GSAP: variants seen among roughly 807,000 people sequenced by gnomAD.
GSAP encodes gamma-secretase-activating protein.
Under a neutral mutation model 131.7 loss-of-function variants are expected in GSAP, and 118 were observed. That is an observed-to-expected ratio of 0.90 (90% CI 0.77 to 1.04). The LOEUF (loss-of-function observed/expected upper bound fraction) is 1.04. Among genes scored for constraint, GSAP ranks in the 50% least tolerant of loss-of-function variants. GSAP has a pLI of 0.00. For missense variants in GSAP, 1,019 were observed against 1,013.2 expected (o/e 1.01, Z -0.08); for synonymous variants, 381 against 363.4 (o/e 1.05, Z -0.55).
intron 6 of GSAP, among the ~76,000 whole-genome samples, chr7:77,386,911 G>A (rs188554880): frequency 6.6e-6 from 1 of 152,162 alleles, no homozygotes; most frequent in African/African-American, 2.4e-5. Context: ...TAAATTTTAG[G>A]AGCAGCAGAA....
intron 6 of GSAP, among the ~76,000 whole-genome samples, chr7:77,384,346 G>A (rs2151053665): frequency 6.6e-6 from 1 of 152,304 alleles, no homozygotes; most frequent in Non-Finnish European, 1.5e-5. Context: ...TATTTTAAAA[G>A]TCCCGTTCAG....
intron 3 of GSAP, among the ~76,000 whole-genome samples, chr7:77,400,635 G>A (rs1468882865): frequency 6.6e-6 from 1 of 152,150 alleles, no homozygotes. Flanking sequence ...GTATGCTAAA[G>A]AGAAGACTTA....
At chr7:77,404,529 A>G in intron 3 of GSAP, 30 bp downstream of exon 3, 1 of 1,203,114 alleles carries the variant, frequency 8.3e-7, no homozygotes, top group East Asian at 2.3e-5. Context: ...AAGGCAGTAA[A>G]GTAACCAATG....
intron 5 of GSAP, among the ~76,000 whole-genome samples, chr7:77,391,951 G>A (rs1799615344): frequency 6.6e-6 from 1 of 152,162 alleles, no homozygotes; most frequent in South Asian, 2.1e-4. Context: ...ATGGCCGGGA[G>A]TGGTGGCTCA....
chr7:77,416,161 G>T, intron 1 of GSAP, 52 bp downstream of exon 1: 1 of 1,089,312 alleles, frequency 9.2e-7, no homozygotes, highest in Non-Finnish European at 1.2e-6. Context: ...CGGGGGGTAT[G>T]AGGGACTCCC....
At chr7:77,339,497 C>T (rs190603588) in intron 19 of GSAP, among the ~76,000 whole-genome samples, 1 of 152,264 alleles carries the variant, frequency 6.6e-6, no homozygotes, top group East Asian at 1.9e-4. Context: ...GAGAGATCTA[C>T]AGTGCCTCAT....
chr7:77,313,449 C>T, intron 28 of GSAP, 39 bp downstream of exon 28: 1 of 1,114,810 alleles, frequency 9.0e-7, no homozygotes, highest in Non-Finnish European at 1.4e-6. Flanking sequence ...AGGGTAATGC[C>T]AAAGCTTAGG....
chr7:77,412,662 A>G (rs1475783538), intron 1 of GSAP, among the ~76,000 whole-genome samples: 1 of 152,074 alleles, frequency 6.6e-6, no homozygotes, highest in Non-Finnish European at 1.5e-5. Flanking sequence ...AAAATAGGAA[A>G]GTGGACAAAA....
rs765954036 is a variant in GSAP at position 77,313,563 on chromosome 7, A to C, written c.2210-14T>G. On this transcript the variant is annotated splice_polypyrimidine_tract_variant and intron_variant, in intron 27 of 30. Transcript: ENST00000257626. ...TATTATCCAGATCTACAAGAAAGTT[A>C]GAGATTAGCAAATGAAACAAATACC... is the stretch of plus-strand genomic sequence containing the variant. 1 of 1,317,180 alleles carries C rather than the reference A, an allele frequency of 7.6e-7. No individual in the cohort carries two copies. The highest frequency in any genetic ancestry group is 1.2e-5 in the South Asian group (1 of 81,744). 81.6% of individuals were successfully genotyped at this position (1,317,180 alleles called of 1,614,324 possible). A position where few individuals can be genotyped will look rare whatever the true frequency, so the allele number is the denominator to read the frequency against.
Position 77,313,569 on chromosome 7 carries a change from T to G in GSAP, c.2210-20A>C. ...CCAGATCTACAAGAAAGTTAGAGAT[T>G]AGCAAATGAAACAAATACCCATTTT... On this transcript the variant is annotated intron_variant, in intron 27 of 30. Transcript: ENST00000257626. The G allele has an allele frequency of 7.9e-7, 1 of 1,263,030 alleles. No individual in the cohort carries two copies. The highest frequency in any genetic ancestry group is 1.2e-5 in the South Asian group (1 of 80,160). The allele number at this position is 1,263,030 out of a possible 1,614,324, so 78.2% of individuals were successfully genotyped here. A position where few individuals can be genotyped will look rare whatever the true frequency, so the allele number is the denominator to read the frequency against.
intron 27 of GSAP, 96 bp downstream of exon 27, chr7:77,314,274 A>G (rs1794732393): frequency 1.5e-6 from 2 of 1,304,988 alleles, no homozygotes; most frequent in African/African-American, 2.9e-5. Context: ...GAGTGCAGCC[A>G]GGCTCTTGGT....
chr7:77,311,367 T>TAA lies in GSAP; in HGVS notation c.2554_2555dup (p.Leu852PhefsTer2). Reference sequence around the variant, plus strand: ...AATTGCGTTTTCTTTTTCATAAGCCTAAAAGCATCGCGGTGTGTTTCAGAG... The same window carrying TAA: ...AATTGCGTTTTCTTTTTCATAAGCCTAAAAAAGCATCGCGGTGTGTTTCAGAG... On this transcript the variant is annotated frameshift_variant, in exon 31 of 31. Transcript: ENST00000257626. LOFTEE classifies it high-confidence loss of function. 1.2e-6 allele frequency: 2 copies of TAA among 1,601,338 alleles called. No individual in the cohort carries two copies. Among genetic ancestry groups the TAA allele is most frequent in the Non-Finnish European group, 8.6e-7 (1 of 1,168,434 alleles).
intron 8 of GSAP, among the ~76,000 whole-genome samples, 192 bp downstream of exon 8, chr7:77,381,112 TA>T (rs1563076884): frequency 1.3e-5 from 2 of 152,082 alleles, no homozygotes; most frequent in African/African-American, 4.8e-5. Context: ...AGGGTTGAGG[TA>T]GAGAAAAAGG....
intron 3 of GSAP, among the ~76,000 whole-genome samples, chr7:77,399,634 G>A (rs1375820243): frequency 6.7e-6 from 1 of 149,360 alleles, no homozygotes; most frequent in African/African-American, 2.5e-5. Flanking sequence ...ATGCTAATGG[G>A]AAGCATAAGT....
At chr7:77,328,814 T>TA (rs1788681480) in intron 21 of GSAP, among the ~76,000 whole-genome samples, 177 bp from the exon 22 acceptor site, 1 of 152,190 alleles carries the variant, frequency 6.6e-6, no homozygotes, top group East Asian at 1.9e-4. Context: ...ATTAGGCAAT[T>TA]AAAAAATCTC....
chr7:77,357,717 G>T (rs916391942), intron 14 of GSAP, among the ~76,000 whole-genome samples: 2 of 152,022 alleles, frequency 1.3e-5, no homozygotes, highest in Admixed American at 1.3e-4. Context: ...CTGTGGGTTG[G>T]ACAAGCTTGC....
intron 23 of GSAP, among the ~76,000 whole-genome samples, chr7:77,325,717 T>C (rs796657839): frequency 5.9e-5 from 9 of 152,254 alleles, no homozygotes; most frequent in African/African-American, 2.2e-4. Context: ...ATTACAGGTG[T>C]GCACCATCAT....
intron 1 of GSAP, among the ~76,000 whole-genome samples, chr7:77,412,040 G>A (rs756714234): frequency 2.0e-5 from 3 of 152,152 alleles, no homozygotes; most frequent in African/African-American, 7.2e-5. Context: ...TTAGCTGGGC[G>A]TGGCAGCATA....
At chr7:77,338,195 A>G (rs116993213) in intron 19 of GSAP, among the ~76,000 whole-genome samples, 8,768 of 152,168 alleles carry the variant, frequency 0.058, 399 homozygotes, top group Non-Finnish European at 0.087. Context: ...TTTTTTAAAA[A>G]TAACCATAAA....
Sources: allele counts gnomAD v4.1 joint callset (sites outside exome capture counted in the v4.1 genomes callset), GRCh38; gene constraint gnomAD v4.1.1; transcripts MANE v1.5; gene names NCBI Gene and HGNC (gene_info 2026-07-23, HGNC 2026-07-21).